NAALADL2: variants seen among roughly 807,000 people sequenced by gnomAD.
The protein encoded by NAALADL2 is N-acetylated alpha-linked acidic dipeptidase like 2, also known as inactive N-acetylated-alpha-linked acidic dipeptidase-like protein 2.
Under a neutral mutation model 87.2 loss-of-function variants are expected in NAALADL2, and 76 were observed. The observed-to-expected ratio is 0.87, with a 90% CI of 0.72 to 1.05. The LOEUF (loss-of-function observed/expected upper bound fraction) is 1.05, where lower values mean the gene tolerates loss of function less well. NAALADL2 is among the 50% of genes least tolerant of loss of function. The pLI, the probability that NAALADL2 is intolerant of heterozygous loss-of-function variation, is 0.00. For missense variants in NAALADL2, 1,089 were observed against 945.8 expected (o/e 1.15, Z -1.99); for synonymous variants, 354 against 331.0 (o/e 1.07, Z -0.75).
At chr3:174,517,368 A>G (rs1719998084) in intron 1 of NAALADL2, among the ~76,000 whole-genome samples, 1 of 152,072 alleles carries the variant, frequency 6.6e-6, no homozygotes, top group Non-Finnish European at 1.5e-5. Context: ...TCCTTTTCAT[A>G]TCCTTGGAAT....
At chr3:175,667,671 T>C (rs1733382839) in intron 11 of NAALADL2, among the ~76,000 whole-genome samples, 1 of 152,084 alleles carries the variant, frequency 6.6e-6, no homozygotes, top group Admixed American at 6.6e-5. Context: ...TACACCTTGC[T>C]TTTCACTTGT....
chr3:174,697,646 C>A (rs1489686980), intron 2 of NAALADL2, among the ~76,000 whole-genome samples: 3 of 152,132 alleles, frequency 2.0e-5, no homozygotes, highest in Non-Finnish European at 2.9e-5. Context: ...CAGTGTTTAT[C>A]ATTTTTAAAT....
At position 175,093,740 on chromosome 3, in the gene NAALADL2, A is replaced by G. The variant is rs942565017; in HGVS notation, c.44-3050A>G. Among the ~76,000 whole-genome samples, 7 of 151,888 alleles carry G rather than the reference A, an allele frequency of 4.6e-5. No individual in the cohort carries two copies. The South Asian group carries it at 1.4e-3, about 31-fold the overall frequency. ...ACACCAAGTGACTTCATCTACCTTT[A>G]TCCCAGATGTGACTCTGCTGGAAGA... is the stretch of plus-strand genomic sequence containing the variant. On this transcript the variant is annotated intron_variant, in intron 1 of 13. Transcript: ENST00000454872.
At chr3:174,502,603 T>C (rs7615477) in intron 1 of NAALADL2, among the ~76,000 whole-genome samples, 107,509 of 152,100 alleles carry the variant, frequency 0.71, 38,204 homozygotes, top group East Asian at 0.9. Flanking sequence ...CAGATATATG[T>C]ATATAAACCT....
In NAALADL2 at chr3:174,759,468, T is replaced by G. The variant is rs1413077942; in HGVS notation, c.-9+21722T>G. On this transcript the variant is annotated intron_variant, in intron 3 of 3. Transcript: ENST00000434257. ...AAAAATGCAGATCTAACGATGCTTG[T>G]GTTTCCTGCTTAAAGCATTTTTGTT... is the stretch of plus-strand genomic sequence containing the variant. 3.3e-5 allele frequency among the ~76,000 whole-genome samples: 5 copies of G among 152,230 alleles called. No homozygotes were observed. In the East Asian group the frequency reaches 9.6e-4, roughly 29 times the overall value.
intron 1 of NAALADL2, among the ~76,000 whole-genome samples, chr3:175,017,595 G>T (rs527366190): frequency 6.6e-6 from 1 of 152,110 alleles, no homozygotes; most frequent in East Asian, 1.9e-4. Context: ...GTGATTGGTA[G>T]TCCGATTTTC....
chr3:174,980,779 G>A (rs867677683), intron 1 of NAALADL2, among the ~76,000 whole-genome samples: 65 of 151,786 alleles, frequency 4.3e-4, no homozygotes, highest in African/African-American at 1.3e-3. Context: ...ATACTTGTTC[G>A]ATATGCTATA....
At chr3:175,107,517 C>G (rs931413973) in intron 2 of NAALADL2, among the ~76,000 whole-genome samples, 3 of 151,378 alleles carry the variant, frequency 2.0e-5, no homozygotes, top group Non-Finnish European at 4.4e-5. Context: ...CACATACACA[C>G]ACACACACAC....
chr3:175,415,737 ATAT>A (rs1714504360), intron 5 of NAALADL2, among the ~76,000 whole-genome samples: 1 of 151,998 alleles, frequency 6.6e-6, no homozygotes, highest in African/African-American at 2.4e-5. Context: ...ATTGATATTA[ATAT>A]TATAAGTAAC....
At chr3:175,044,589 C>G (rs1251662848) in intron 1 of NAALADL2, among the ~76,000 whole-genome samples, 3 of 152,088 alleles carry the variant, frequency 2.0e-5, no homozygotes, top group Admixed American at 2.0e-4. Context: ...ATATAATCTT[C>G]TGTCACTTCA....
intron 13 of NAALADL2, among the ~76,000 whole-genome samples, chr3:175,785,083 G>C (rs1427341620): frequency 1.4e-4 from 21 of 150,976 alleles, no homozygotes; most frequent in Non-Finnish European, 3.1e-4. Context: ...TTGTTATAAT[G>C]TCTGTTCTTT....
intron 2 of NAALADL2, among the ~76,000 whole-genome samples, chr3:174,611,169 GT>G (rs1333563214): frequency 1.4e-5 from 2 of 138,146 alleles, no homozygotes; most frequent in African/African-American, 5.4e-5. Context: ...CTGTTGTGAG[GT>G]GGGGGGAGGG....
intron 1 of NAALADL2, among the ~76,000 whole-genome samples, chr3:174,870,046 C>G (rs892248836): frequency 2.8e-5 from 4 of 142,250 alleles, no homozygotes; most frequent in African/African-American, 1.0e-4. Context: ...ATTATGAAGT[C>G]AGTTTCACAG....
At chr3:175,290,089 G>T (rs1484390725) in intron 4 of NAALADL2, among the ~76,000 whole-genome samples, 3 of 152,232 alleles carry the variant, frequency 2.0e-5, no homozygotes, top group Non-Finnish European at 4.4e-5. Context: ...CAAGCAACTG[G>T]AACTCTAAAA....
rs544985412 is a variant in NAALADL2, at chr3:175,085,361, G to C, written c.44-11429G>C. 2.0e-5 allele frequency among the ~76,000 whole-genome samples: 3 copies of C among 152,204 alleles called. No individual in the cohort carries two copies. In the South Asian group the frequency reaches 6.2e-4, roughly 32 times the overall value. On this transcript the variant is annotated intron_variant, in intron 1 of 13. Coordinates refer to ENST00000454872, the MANE Select transcript of NAALADL2 (RefSeq NM_207015.3). ...TCTTTACCGTAGTGAAACTAGTTAA[G>C]GTCATTACTGCTTATAACTTGTGTT...
chr3:174,493,176 G>T (rs1578019141), intron 1 of NAALADL2, among the ~76,000 whole-genome samples: 1 of 152,126 alleles, frequency 6.6e-6, no homozygotes, highest in East Asian at 1.9e-4. Context: ...AAAAATTCAT[G>T]TCGAAATCTT....
intron 2 of NAALADL2, chr3:174,551,419 A>G (rs1301827728): frequency 6.6e-6 from 1 of 152,220 alleles, no homozygotes; most frequent in Non-Finnish European, 1.5e-5. Flanking sequence ...AATTGTTTAT[A>G]TTAGAAAAAT....
At chr3:174,698,483 G>C (rs896869981) in intron 2 of NAALADL2, among the ~76,000 whole-genome samples, 2 of 152,066 alleles carry the variant, frequency 1.3e-5, no homozygotes, top group African/African-American at 4.8e-5. Context: ...AACTACAATA[G>C]ATCTGTCTTC....
intron 5 of NAALADL2, among the ~76,000 whole-genome samples, chr3:175,384,624 C>A (rs1385112519): frequency 6.6e-6 from 1 of 151,840 alleles, no homozygotes; most frequent in Admixed American, 6.6e-5. Context: ...ATTATCCACA[C>A]ACCCATTGCT....
Sources: gnomAD v4.1 joint callset for allele counts (sites outside exome capture counted in the v4.1 genomes callset) on GRCh38, gnomAD v4.1.1 for gene constraint, MANE v1.5 for transcripts, NCBI Gene and HGNC (gene_info 2026-07-23, HGNC 2026-07-21) for gene names.